PRMT3: variants seen among roughly 807,000 people sequenced by gnomAD.
PRMT3 encodes the protein protein arginine N-methyltransferase 3.
PRMT3 carries 62 observed loss-of-function variants against 71.9 expected under a neutral mutation model. The observed-to-expected ratio is 0.86, with a 90% CI of 0.70 to 1.07. The LOEUF is 1.07. Ranked by LOEUF, PRMT3 falls within the 50% of genes least tolerant of loss-of-function variation. The probability of loss-of-function intolerance (pLI) is 0.00; values close to 1 mark genes in which losing one functional copy is unlikely to be tolerated. For missense variants in PRMT3, 663 were observed against 643.0 expected (o/e 1.03, Z -0.34); for synonymous variants, 213 against 220.4 (o/e 0.97, Z 0.30).
chr11:20,502,783 C>T (rs1331932527), intron 15 of PRMT3, among the ~76,000 whole-genome samples: 1 of 152,030 alleles, frequency 6.6e-6, no homozygotes, highest in Non-Finnish European at 1.5e-5. Context: ...AGAGCAGCAA[C>T]CATCAGAACA....
At chr11:20,470,914 T>C (rs1850628704) in intron 13 of PRMT3, among the ~76,000 whole-genome samples, 1 of 152,190 alleles carries the variant, frequency 6.6e-6, no homozygotes, top group African/African-American at 2.4e-5. Flanking sequence ...GTTTTACTTT[T>C]TAATAATCAC....
chr11:20,443,928 G>A (rs1261431432), intron 10 of PRMT3, among the ~76,000 whole-genome samples: 4 of 152,202 alleles, frequency 2.6e-5, no homozygotes, highest in African/African-American at 4.8e-5. Flanking sequence ...GTTGGGAACT[G>A]TATGTTGGAA....
intron 7 of PRMT3, among the ~76,000 whole-genome samples, chr11:20,399,450 A>G (rs1476700865): frequency 6.6e-6 from 1 of 152,214 alleles, no homozygotes; most frequent in Non-Finnish European, 1.5e-5. Context: ...TGTTATTATA[A>G]GTAATACGTT....
intron 15 of PRMT3, among the ~76,000 whole-genome samples, chr11:20,501,997 C>G (rs1483849804): frequency 6.6e-6 from 1 of 152,002 alleles, no homozygotes; most frequent in Non-Finnish European, 1.5e-5. Context: ...GTTTTTCTTT[C>G]CTTTTTCTGG....
rs371589090 is a variant in PRMT3 at position 20,426,878 on chromosome 11, A to C, written c.993+13A>C. The C allele has an allele frequency of 5.3e-6, 8 of 1,517,216 alleles. No homozygotes were observed. The East Asian group carries it at 1.0e-4, about 19-fold the overall frequency. The allele number at this position is 1,517,216 out of a possible 1,614,324, so 94.0% of individuals were successfully genotyped here. A position where few individuals can be genotyped will look rare whatever the true frequency, so the allele number is the denominator to read the frequency against. On this transcript the variant is annotated intron_variant, in intron 10 of 15. Coordinates refer to ENST00000331079, the MANE Select transcript of PRMT3 (RefSeq NM_005788.4). Reference sequence around the variant, plus strand: ...ATCTGAGTGGATGGTGAGTGTTTATAGAAAAAACTACTTTCACTGGTAAAA... The same window carrying C: ...ATCTGAGTGGATGGTGAGTGTTTATCGAAAAAACTACTTTCACTGGTAAAA...
chr11:20,459,080 G>T (rs1240909493), intron 11 of PRMT3, among the ~76,000 whole-genome samples: 5 of 152,080 alleles, frequency 3.3e-5, no homozygotes, highest in Non-Finnish European at 7.4e-5. Context: ...CTGTAGTGTA[G>T]TGTGGCCATA....
chr11:20,460,130 G>T (rs1173322923), intron 11 of PRMT3, among the ~76,000 whole-genome samples: 1 of 152,166 alleles, frequency 6.6e-6, no homozygotes, highest in African/African-American at 2.4e-5. Flanking sequence ...GAATAATTTA[G>T]TGCTGCTGTC....
intron 13 of PRMT3, among the ~76,000 whole-genome samples, chr11:20,467,828 T>TG (rs1219498429): frequency 6.6e-6 from 1 of 152,206 alleles, no homozygotes; most frequent in Middle Eastern, 3.2e-3. Flanking sequence ...TGTAAGATGT[T>TG]GTGGCCTAAT....
intron 13 of PRMT3, among the ~76,000 whole-genome samples, chr11:20,487,602 A>G (rs1370195413): frequency 6.6e-6 from 1 of 152,208 alleles, no homozygotes; most frequent in Non-Finnish European, 1.5e-5. Flanking sequence ...TGTGGGTTTC[A>G]CAGCTGTATT....
intron 13 of PRMT3, among the ~76,000 whole-genome samples, chr11:20,480,355 T>G (rs1850900639): frequency 6.6e-6 from 1 of 152,228 alleles, no homozygotes; most frequent in Non-Finnish European, 1.5e-5. Flanking sequence ...GCTAGATATC[T>G]GTTTTTTTGC....
intron 13 of PRMT3, among the ~76,000 whole-genome samples, chr11:20,470,922 C>T (rs1007513021): frequency 6.6e-6 from 1 of 152,114 alleles, no homozygotes; most frequent in Non-Finnish European, 1.5e-5. Flanking sequence ...TTTTAATAAT[C>T]ACCATTTTGA....
chr11:20,445,077 A>T (rs1363485923), intron 10 of PRMT3, among the ~76,000 whole-genome samples: 1 of 43,892 alleles, frequency 2.3e-5, no homozygotes, highest in Non-Finnish European at 1.5e-4. Context: ...CTTTAAATAT[A>T]AAAACATAGG....
At chr11:20,506,765 GT>G (rs1851600999) in intron 15 of PRMT3, among the ~76,000 whole-genome samples, 1 of 152,134 alleles carries the variant, frequency 6.6e-6, no homozygotes, top group Admixed American at 6.5e-5. Context: ...ACTGTTTGGT[GT>G]TATCTTAATA....
At chr11:20,432,362 A>T (rs1170182540) in intron 10 of PRMT3, among the ~76,000 whole-genome samples, 1 of 152,108 alleles carries the variant, frequency 6.6e-6, no homozygotes, top group Non-Finnish European at 1.5e-5. Context: ...TTTACAGCTT[A>T]CATTTGTAGG....
chr11:20,430,161 T>A (rs1216325982), intron 10 of PRMT3, among the ~76,000 whole-genome samples: 1 of 152,192 alleles, frequency 6.6e-6, no homozygotes, highest in Non-Finnish European at 1.5e-5. Flanking sequence ...TTTTATTTTT[T>A]ACATACAACA....
At chr11:20,487,509 A>T (rs1851103576) in intron 13 of PRMT3, among the ~76,000 whole-genome samples, 1 of 152,176 alleles carries the variant, frequency 6.6e-6, no homozygotes, top group Admixed American at 6.5e-5. Context: ...TCTTTGCTTA[A>T]GAGTATTAGG....
intron 13 of PRMT3, among the ~76,000 whole-genome samples, chr11:20,464,983 A>C (rs1850474801): frequency 6.6e-6 from 1 of 152,150 alleles, no homozygotes; most frequent in Non-Finnish European, 1.5e-5. Context: ...CCTTTCAAAA[A>C]TCTAATAATA....
intron 9 of PRMT3, among the ~76,000 whole-genome samples, chr11:20,422,311 C>G (rs990312282): frequency 5.9e-5 from 9 of 152,022 alleles, no homozygotes; most frequent in African/African-American, 2.2e-4. Flanking sequence ...TGAATACTCT[C>G]AGAACATAGT....
At chr11:20,409,989 A>C (rs1849160447) in intron 9 of PRMT3, among the ~76,000 whole-genome samples, 1 of 152,106 alleles carries the variant, frequency 6.6e-6, no homozygotes, top group Non-Finnish European at 1.5e-5. Flanking sequence ...TTTCTAGTAC[A>C]TTTATGAGTT....
Sources: gnomAD v4.1 joint callset for allele counts (sites outside exome capture counted in the v4.1 genomes callset) on GRCh38, gnomAD v4.1.1 for gene constraint, MANE v1.5 for transcripts, NCBI Gene and HGNC (gene_info 2026-07-23, HGNC 2026-07-21) for gene names.